The following MEI1 variants were observed in gnomAD, a reference collection of about 807,000 sequenced individuals.
MEI1 encodes the protein meiosis inhibitor protein 1.
In MEI1, 103 loss-of-function variants were observed where a neutral mutation model predicts 146.2. The observed-to-expected ratio is 0.70, with a 90% CI of 0.60 to 0.83. The LOEUF (loss-of-function observed/expected upper bound fraction) is 0.83, where lower values mean the gene tolerates loss of function less well. MEI1 is among the 40% of genes least tolerant of loss of function. The probability of loss-of-function intolerance (pLI) is 0.00; values close to 1 mark genes in which losing one functional copy is unlikely to be tolerated. For synonymous variants in MEI1, 652 were observed against 628.2 expected, an observed-to-expected ratio of 1.04 and a Z score of -0.57; for missense variants, 1,529 against 1,533.0, an observed-to-expected ratio of 1.00 and a Z score of 0.04.
intron 19 of MEI1, among the ~76,000 whole-genome samples, chr22:41,769,949 A>T (rs570037990): frequency 6.6e-6 from 1 of 151,302 alleles, no homozygotes; most frequent in South Asian, 2.1e-4. Flanking sequence ...AGCCTGACCA[A>T]CATGGAGGAA....
chr22:41,705,796 C>T (rs1293489121), intron 3 of MEI1, among the ~76,000 whole-genome samples: 1 of 151,512 alleles, frequency 6.6e-6, no homozygotes, highest in Admixed American at 6.6e-5. Context: ...CAACCTCTGC[C>T]TCGCGGGTTC....
intron 26 of MEI1, among the ~76,000 whole-genome samples, chr22:41,787,774 G>A (rs1018941421): frequency 2.0e-5 from 3 of 152,206 alleles, no homozygotes; most frequent in African/African-American, 7.2e-5. Context: ...GGGAATGTTT[G>A]TTGAATGGAT....
At position 41,701,027 on chromosome 22, in the gene MEI1, C is replaced by A. The variant is rs574355862; in HGVS notation, c.174+1315C>A. Among the ~76,000 whole-genome samples, 8 of 150,950 alleles carry A rather than the reference C, an allele frequency of 5.3e-5. No homozygotes were observed. In the East Asian group the frequency reaches 1.4e-3, roughly 26 times the overall value. On this transcript the variant is annotated intron_variant, in intron 1 of 30. Coordinates refer to ENST00000401548, the MANE Select transcript of MEI1 (RefSeq NM_152513.4). The stretch of plus-strand genomic sequence containing the variant: ...CAATCTCAGCTCACCGCAACCTCCG[C>A]CTCCCGGGTTCAAGCGATTCTCCTG...
chr22:41,776,373 C>T (rs1229094896), intron 21 of MEI1, 106 bp downstream of exon 21: 6 of 1,286,084 alleles, frequency 4.7e-6, no homozygotes, highest in Non-Finnish European at 5.4e-6. Flanking sequence ...AGGGTTTTAT[C>T]TGAAAAAGAA....
chr22:41,759,632 AAAAT>A (rs202130156), intron 18 of MEI1, among the ~76,000 whole-genome samples: 91,707 of 134,878 alleles, frequency 0.68, 32,524 homozygotes, highest in East Asian at 0.93. Context: ...TCCGTCTCAA[AAAAT>A]AAATAAATAA....
At chr22:41,772,954 C>T (rs891192743) in intron 20 of MEI1, among the ~76,000 whole-genome samples, 10 of 152,202 alleles carry the variant, frequency 6.6e-5, no homozygotes, top group African/African-American at 2.4e-4. Context: ...CTTTCTCAGC[C>T]TGGGTCTTCC....
intron 3 of MEI1, chr22:41,709,377 T>C (rs2069356936): frequency 1.4e-6 from 1 of 725,844 alleles, no homozygotes; most frequent in Non-Finnish European, 2.5e-6. Context: ...GCTTGGGCTC[T>C]GGCTTTGGAG....
chr22:41,717,000 T>C (rs2070269355), intron 5 of MEI1, among the ~76,000 whole-genome samples: 1 of 147,792 alleles, frequency 6.8e-6, no homozygotes, highest in African/African-American at 2.4e-5. Context: ...CATTCATTCT[T>C]TAACACAAAT....
chr22:41,798,076 C>T (rs2076423808), intron 30 of MEI1, among the ~76,000 whole-genome samples: 2 of 149,584 alleles, frequency 1.3e-5, no homozygotes, highest in Admixed American at 1.3e-4. Context: ...GCTTTGGAGA[C>T]AGTTGTCCAA....
chr22:41,701,286 C>T (rs2068708932), intron 1 of MEI1, among the ~76,000 whole-genome samples: 1 of 151,890 alleles, frequency 6.6e-6, no homozygotes, highest in South Asian at 2.1e-4. Context: ...GTTGTGCTAT[C>T]ATGTCATATA....
At chr22:41,702,058 G>C (rs543554417) in intron 1 of MEI1, among the ~76,000 whole-genome samples, 1 of 152,294 alleles carries the variant, frequency 6.6e-6, no homozygotes, top group South Asian at 2.1e-4. Context: ...AATCTATTAC[G>C]TAGGATGAAT....
At chr22:41,735,230 T>G (rs940952714) in intron 11 of MEI1, among the ~76,000 whole-genome samples, 1 of 145,454 alleles carries the variant, frequency 6.9e-6, no homozygotes, top group South Asian at 2.2e-4. Flanking sequence ...CCAAAGTGTT[T>G]TTTTTTTTTT....
At chr22:41,776,996 C>A (rs2075474100) in intron 21 of MEI1, among the ~76,000 whole-genome samples, 1 of 150,884 alleles carries the variant, frequency 6.6e-6, no homozygotes, top group Admixed American at 6.6e-5. Flanking sequence ...TTTGTATTTT[C>A]AGGAGAGACG....
At chr22:41,765,242 C>T (rs1171498024) in intron 19 of MEI1, among the ~76,000 whole-genome samples, 1 of 152,200 alleles carries the variant, frequency 6.6e-6, no homozygotes, top group Non-Finnish European at 1.5e-5. Context: ...TCTCTAACTC[C>T]TGACCTCAGG....
chr22:41,780,581 CT>C lies in MEI1; in HGVS notation c.2816-686del, dbSNP rs1245310767. Among the ~76,000 whole-genome samples the C allele has an allele frequency of 1.4e-3, 189 of 134,302 alleles. 1 individual carries two copies. The highest frequency in any genetic ancestry group is 4.1e-3 in the Middle Eastern group (1 of 244). The allele number at this position is 134,302 out of a possible 152,430, so 88.1% of individuals were successfully genotyped here. On this transcript the variant is annotated intron_variant, in intron 22 of 30. Coordinates refer to ENST00000401548, the MANE Select transcript of MEI1 (RefSeq NM_152513.4). ...ACTTTGAGCTGAATTTTTTTCTTTT[CT>C]TTTTTTTTTTTTTTTTGAGACAGGG...
chr22:41,778,687 A>G lies in MEI1; in HGVS notation c.2711-21A>G. 3 of 1,571,006 alleles carry G rather than the reference A, an allele frequency of 1.9e-6. No homozygotes were observed. The South Asian group carries it at 3.5e-5, about 18-fold the overall frequency. On this transcript the variant is annotated intron_variant, in intron 21 of 30. Coordinates refer to ENST00000401548, the MANE Select transcript of MEI1 (RefSeq NM_152513.4). Reference sequence around the variant, plus strand: ...GATCTGAGCATCAGGCTTCTTGCCCAGTCCTCCTTGTTCTTCACAGCCTCG... The same window carrying G: ...GATCTGAGCATCAGGCTTCTTGCCCGGTCCTCCTTGTTCTTCACAGCCTCG...
At position 41,784,335 on chromosome 22, in the gene MEI1, C is replaced by T. The variant is rs763982890; in HGVS notation, c.3088-4C>T. The stretch of plus-strand genomic sequence containing the variant: ...GGTTAGCCCTTTACCCTGTGCCCTG[C>T]CAGGTTCACCAGACACTCTCTGTGG... On this transcript the variant is annotated splice_polypyrimidine_tract_variant and splice_region_variant and intron_variant, in intron 24 of 30. Coordinates refer to ENST00000401548, the MANE Select transcript of MEI1 (RefSeq NM_152513.4). 2 of 1,613,396 alleles carry T rather than the reference C, an allele frequency of 1.2e-6. No homozygotes were observed. Among genetic ancestry groups the T allele is most frequent in the Non-Finnish European group, 1.7e-6 (2 of 1,179,712 alleles).
chr22:41,791,077 G>A (rs2076165452), intron 26 of MEI1, among the ~76,000 whole-genome samples: 1 of 152,184 alleles, frequency 6.6e-6, no homozygotes, highest in African/African-American at 2.4e-5. Context: ...GGGGTGTGAT[G>A]AAGCAGAAAA....
intron 17 of MEI1, among the ~76,000 whole-genome samples, chr22:41,758,100 T>C (rs1212730146): frequency 6.6e-6 from 1 of 152,060 alleles, no homozygotes; most frequent in Non-Finnish European, 1.5e-5. Flanking sequence ...AGAGCGAGAC[T>C]CTGTCAAAAG....
Sources: gnomAD v4.1 joint callset for allele counts (sites outside exome capture counted in the v4.1 genomes callset) on GRCh38, gnomAD v4.1.1 for gene constraint, MANE v1.5 for transcripts, NCBI Gene and HGNC (gene_info 2026-07-23, HGNC 2026-07-21) for gene names.